The following ZMYM2 variants were observed in gnomAD, a reference collection of about 807,000 sequenced individuals.
ZMYM2 encodes zinc finger MYM-type containing 2.
A neutral mutation model predicts 162.8 loss-of-function variants in ZMYM2; 56 were observed. That is an observed-to-expected ratio of 0.34 (90% confidence interval 0.28 to 0.43). ZMYM2 has a LOEUF of 0.43. Among genes scored for constraint, ZMYM2 ranks in the 20% least tolerant of loss-of-function variants. ZMYM2 has a pLI of 1.00. For synonymous variants in ZMYM2, 510 were observed against 541.6 expected, an observed-to-expected ratio of 0.94 and a Z score of 0.81; for missense variants, 1,275 against 1,621.8, an observed-to-expected ratio of 0.79 and a Z score of 3.67.
intron 2 of ZMYM2, among the ~76,000 whole-genome samples, chr13:19,988,941 C>T (rs918381712): frequency 2.6e-5 from 4 of 152,152 alleles, no homozygotes; most frequent in African/African-American, 9.7e-5. Context: ...TAAGATGACT[C>T]CTTTTCCTTC....
At chr13:20,075,227 A>G (rs542881380) in intron 21 of ZMYM2, among the ~76,000 whole-genome samples, 1 of 152,358 alleles carries the variant, frequency 6.6e-6, no homozygotes, top group East Asian at 1.9e-4. Flanking sequence ...CTGACAATAA[A>G]GATACAGTTG....
At chr13:20,081,743 TC>T (rs1214171096) in intron 21 of ZMYM2, among the ~76,000 whole-genome samples, 1 of 152,134 alleles carries the variant, frequency 6.6e-6, no homozygotes, top group Non-Finnish European at 1.5e-5. Context: ...CTTTTTTTTT[TC>T]TGTCTGACAG....
intron 2 of ZMYM2, among the ~76,000 whole-genome samples, chr13:19,980,278 C>T (rs1268186165): frequency 5.3e-5 from 8 of 151,986 alleles, no homozygotes; most frequent in Non-Finnish European, 1.2e-4. Flanking sequence ...TACTACTTTT[C>T]TGAAAAATTT....
At chr13:19,877,779 C>T in the ZMYM2 span, among the ~76,000 whole-genome samples, 24 of 152,166 alleles carry the variant, frequency 1.6e-4, no homozygotes, top group Non-Finnish European at 3.1e-4. Flanking sequence ...CCACATCTTG[C>T]TTATCCACTT....
At chr13:20,046,601 GTGTGTGTATATATA>G (rs1387010469) in intron 12 of ZMYM2, among the ~76,000 whole-genome samples, 83 of 25,310 alleles carry the variant, frequency 3.3e-3, no homozygotes, top group Non-Finnish European at 4.6e-3. Flanking sequence ...GTGTGTGTGT[GTGTGTGTATATATA>G]TGTGTATATA....
At chr13:19,948,118 G>T in the ZMYM2 span, among the ~76,000 whole-genome samples, 1 of 151,782 alleles carries the variant, frequency 6.6e-6, no homozygotes, top group Admixed American at 6.6e-5. Context: ...TGCTAACAAA[G>T]ATGTGGAACG....
intron 2 of ZMYM2, among the ~76,000 whole-genome samples, chr13:19,980,388 A>C (rs2139471023): frequency 6.6e-6 from 1 of 151,272 alleles, no homozygotes; most frequent in African/African-American, 2.4e-5. Context: ...CTTATTCCCT[A>C]CCTCACTGTT....
At chr13:19,917,596 T>TAAAA in the ZMYM2 span, among the ~76,000 whole-genome samples, 1 of 133,202 alleles carries the variant, frequency 7.5e-6, no homozygotes, top group East Asian at 2.2e-4. Context: ...ATCTCAAATT[T>TAAAA]AAAAAAAAAA....
Position 20,034,375 on chromosome 13 carries a change from C to T in ZMYM2, c.2090C>T (p.Ser697Phe). The change falls in exon 11 of 25, where the codon TCT (serine) becomes TTT (phenylalanine). Residue 697 changes from serine (S) to phenylalanine (F), a missense_variant. Physicochemically the swap from Ser to Phe is radical, Grantham distance 155. Transcript: ENST00000610343. ...EKTLHETVNF[S>F]GVKRPFCSEG... ...ACTCTTCATGAAACAGTAAATTTCT[C>T]TGGCGTTAAGAGACCTTTCTGTAGT... 6.2e-7 allele frequency: 1 copy of T among 1,604,854 alleles called. No individual in the cohort carries two copies. Among genetic ancestry groups the T allele is most frequent in the Non-Finnish European group, 8.5e-7 (1 of 1,176,616 alleles).
At chr13:19,881,090 T>C in the ZMYM2 span, among the ~76,000 whole-genome samples, 1 of 151,844 alleles carries the variant, frequency 6.6e-6, no homozygotes, top group Non-Finnish European at 1.5e-5. Context: ...CATTTCACCA[T>C]GTTGGTCAGG....
intron 2 of ZMYM2, among the ~76,000 whole-genome samples, chr13:19,988,490 C>A (rs1331174546): frequency 1.3e-5 from 2 of 152,092 alleles, no homozygotes; most frequent in African/African-American, 4.8e-5. Flanking sequence ...AGTGAAAAGA[C>A]GAGTTACGGC....
chr13:19,919,777 A>G, the ZMYM2 span, among the ~76,000 whole-genome samples: 3 of 151,672 alleles, frequency 2.0e-5, no homozygotes, highest in Non-Finnish European at 4.4e-5. Context: ...TCCCAGGTTC[A>G]AGCAGTTCTC....
chr13:20,039,477 T>G (rs1264986236), intron 12 of ZMYM2, among the ~76,000 whole-genome samples: 2 of 150,246 alleles, frequency 1.3e-5, no homozygotes, highest in African/African-American at 4.9e-5. Context: ...TTGAGAGTTT[T>G]TTTTTTTTTT....
upstream of ZMYM2, among the ~76,000 whole-genome samples, chr13:19,954,278 A>G (rs371308946): frequency 1.5e-4 from 22 of 151,314 alleles, no homozygotes; most frequent in East Asian, 1.8e-3. Context: ...ACAGGCGCCC[A>G]CCACCATGCC....
chr13:20,044,775 C>T (rs1392785879), intron 12 of ZMYM2, among the ~76,000 whole-genome samples: 3 of 151,580 alleles, frequency 2.0e-5, no homozygotes, highest in East Asian at 3.9e-4. Context: ...ACAGGCCAGG[C>T]GCGGCGGCTC....
chr13:20,072,759 G>A (rs1489075133), intron 21 of ZMYM2, among the ~76,000 whole-genome samples: 1 of 151,926 alleles, frequency 6.6e-6, no homozygotes, highest in Non-Finnish European at 1.5e-5. Context: ...TAGATTTCCT[G>A]TTTCTTCTTG....
At chr13:20,058,736 C>G in intron 15 of ZMYM2, 32 bp downstream of exon 15, 1 of 1,609,540 alleles carries the variant, frequency 6.2e-7, no homozygotes, top group Non-Finnish European at 8.5e-7. Context: ...TACATACTTC[C>G]CCATACCTTC....
chr13:20,025,777 A>T (rs1952528653), intron 7 of ZMYM2: 1 of 152,276 alleles, frequency 6.6e-6, no homozygotes, highest in Non-Finnish European at 1.5e-5. Flanking sequence ...TAAATGGTAT[A>T]GCTTATTGCT....
At chr13:19,866,277 A>G in the ZMYM2 span, among the ~76,000 whole-genome samples, 1 of 152,250 alleles carries the variant, frequency 6.6e-6, no homozygotes, top group Non-Finnish European at 1.5e-5. Flanking sequence ...TATCACACAT[A>G]TGACACTTAG....
Sources: gnomAD v4.1 joint callset for allele counts (sites outside exome capture counted in the v4.1 genomes callset) on GRCh38, gnomAD v4.1.1 for gene constraint, MANE v1.5 for transcripts, NCBI Gene and HGNC (gene_info 2026-07-23, HGNC 2026-07-21) for gene names.